The following CD33 variants were observed in gnomAD, a reference collection of about 807,000 sequenced individuals.
The protein encoded by CD33 is CD33 molecule, also known as myeloid cell surface antigen CD33.
In CD33, 25 loss-of-function variants were observed where a neutral mutation model predicts 31.4. The ratio of observed to expected loss-of-function variants is 0.80; its 90% CI spans 0.58 to 1.11. The LOEUF (loss-of-function observed/expected upper bound fraction) is 1.11. CD33 is among the 50% of genes most tolerant of loss of function. The probability of loss-of-function intolerance (pLI) is 0.00; values close to 1 mark genes in which losing one functional copy is unlikely to be tolerated. For synonymous variants in CD33, 176 were observed against 180.6 expected (o/e 0.97, Z 0.20); for missense variants, 407 against 448.1 (o/e 0.91, Z 0.83).
At chr19:51,229,739 T>G (rs1981278316) in intron 4 of CD33, among the ~76,000 whole-genome samples, 1 of 152,148 alleles carries the variant, frequency 6.6e-6, no homozygotes, top group African/African-American at 2.4e-5. Context: ...TTGTGACATC[T>G]TCTTTTTTAT....
At chr19:51,221,225 C>G (rs528230506), upstream of CD33, among the ~76,000 whole-genome samples, 37 of 152,306 alleles carry the variant, frequency 2.4e-4, no homozygotes, top group African/African-American at 7.9e-4. Context: ...CTGTTTTCTT[C>G]ATAAATTACT....
At chr19:51,221,733 C>G (rs369282178), upstream of CD33, among the ~76,000 whole-genome samples, 19 of 152,272 alleles carry the variant, frequency 1.2e-4, no homozygotes, top group South Asian at 3.9e-3. Flanking sequence ...CATAGTCACC[C>G]AAACCTGAAA....
At chr19:51,220,652 T>C (rs1221212272), upstream of CD33, among the ~76,000 whole-genome samples, 2 of 152,194 alleles carry the variant, frequency 1.3e-5, no homozygotes, top group East Asian at 3.8e-4. Flanking sequence ...GTTGTAAGAA[T>C]ACCTATAAAG....
chr19:51,216,909 G>A, the CD33 span, among the ~76,000 whole-genome samples: 7 of 152,154 alleles, frequency 4.6e-5, no homozygotes, highest in African/African-American at 1.7e-4. Flanking sequence ...AGCATCCCAG[G>A]AAGAAGGAAA....
intron 4 of CD33, among the ~76,000 whole-genome samples, chr19:51,234,921 C>A (rs1368062781): frequency 6.6e-6 from 1 of 152,120 alleles, no homozygotes; most frequent in Non-Finnish European, 1.5e-5. Context: ...GAACCTGAGT[C>A]CTAGGAGAGA....
chr19:51,235,365 T>G, intron 5 of CD33, 112 bp downstream of exon 5: 3 of 1,239,750 alleles, frequency 2.4e-6, no homozygotes, highest in Non-Finnish European at 3.4e-6. Flanking sequence ...GGTGTGATGA[T>G]GTACAGAATC....
chr19:51,218,250 G>A, the CD33 span, among the ~76,000 whole-genome samples: 1 of 152,222 alleles, frequency 6.6e-6, no homozygotes, highest in Non-Finnish European at 1.5e-5. Flanking sequence ...TCTCACTGCG[G>A]TTTTAATTTG....
the CD33 span, chr19:51,211,319 A>G: frequency 7.0e-6 from 11 of 1,563,274 alleles, no homozygotes; most frequent in Admixed American, 1.5e-4. Context: ...ATACCCTACT[A>G]CAACAGGAAT....
intron 6 of CD33, chr19:51,235,960 T>TTC: frequency 1.5e-6 from 1 of 685,626 alleles, no homozygotes; most frequent in South Asian, 1.5e-5. Flanking sequence ...AGATTGAGAC[T>TTC]ATCCTGGCTA....
chr19:51,225,948 C>T lies in CD33; in HGVS notation c.564C>T (p.Gly188=). 1 of 1,614,114 alleles carries T rather than the reference C, an allele frequency of 6.2e-7. No homozygotes were observed. The highest frequency in any genetic ancestry group is 1.1e-5 in the South Asian group (1 of 91,074). Residue 188 remains glycine, a synonymous_variant, in exon 3 of 7, where the codon GGC becomes GGT. Transcript: ENST00000262262. The part of the protein sequence containing the change: ...SWLSAAPTSL[G]PRTTHSSVLI... ...TGTCAGCTGCCCCCACCTCCCTGGG[C>T]CCCAGGACTACTCACTCCTCGGTGC...
chr19:51,235,047 G>T, intron 4 of CD33, 110 bp from the exon 5 acceptor site: 1 of 802,064 alleles, frequency 1.2e-6, no homozygotes, highest in Non-Finnish European at 2.1e-6. Flanking sequence ...AGATCTAGGA[G>T]CTAAACCCCA....
intron 4 of CD33, among the ~76,000 whole-genome samples, chr19:51,228,136 C>A (rs140791292): frequency 6.6e-6 from 1 of 152,200 alleles, no homozygotes; most frequent in Admixed American, 6.5e-5. Context: ...GTTTTGAAAT[C>A]TTTAAATTTT....
the CD33 span, chr19:51,211,396 A>G: frequency 3.4e-5 from 53 of 1,570,092 alleles, no homozygotes; most frequent in Middle Eastern, 1.7e-4. Flanking sequence ...AGTGGCCACA[A>G]ACAAGCTAGA....
chr19:51,211,422 G>C, the CD33 span: 2 of 1,571,574 alleles, frequency 1.3e-6, no homozygotes, highest in African/African-American at 2.7e-5. Context: ...AAGTACAGGA[G>C]GAGACTCAGG....
At chr19:51,226,106 G>T in intron 3 of CD33, 25 bp downstream of exon 3, 1 of 1,609,770 alleles carries the variant, frequency 6.2e-7, no homozygotes, top group Non-Finnish European at 8.5e-7. Context: ...AGGATGCTGG[G>T]GTCCCTGAGG....
upstream of CD33, among the ~76,000 whole-genome samples, chr19:51,224,129 AC>A (rs1328973206): frequency 1.3e-5 from 2 of 152,320 alleles, no homozygotes; most frequent in South Asian, 4.1e-4. Context: ...ACACTCTCTT[AC>A]AGACTAAGAG....
chr19:51,212,580 G>T, the CD33 span, among the ~76,000 whole-genome samples: 1 of 138,976 alleles, frequency 7.2e-6, no homozygotes, highest in South Asian at 2.2e-4. Context: ...CCCACAACAA[G>T]GGCAGGGTGA....
upstream of CD33, among the ~76,000 whole-genome samples, chr19:51,221,742 A>C (rs1980697000): frequency 1.3e-5 from 2 of 152,208 alleles, no homozygotes; most frequent in Non-Finnish European, 2.9e-5. Flanking sequence ...CCAAACCTGA[A>C]AACAATCTGA....
At chr19:51,224,676 G>A (rs1980855654), upstream of CD33, among the ~76,000 whole-genome samples, 1 of 152,080 alleles carries the variant, frequency 6.6e-6, no homozygotes, top group African/African-American at 2.4e-5. Context: ...GGACCCTATA[G>A]AATCCTATAT....
Sources: allele counts gnomAD v4.1 joint callset (sites outside exome capture counted in the v4.1 genomes callset), GRCh38; gene constraint gnomAD v4.1.1; transcripts MANE v1.5; gene names NCBI Gene and HGNC (gene_info 2026-07-23, HGNC 2026-07-21).